The following UBE2E1 variants were observed in gnomAD, a reference collection of about 807,000 sequenced individuals.
UBE2E1 encodes ubiquitin conjugating enzyme E2 E1, also known as ubiquitin-conjugating enzyme E2 E1.
UBE2E1 carries 6 observed loss-of-function variants against 21.4 expected under a neutral mutation model. The ratio of observed to expected loss-of-function variants is 0.28; its 90% CI spans 0.15 to 0.55. UBE2E1 has a LOEUF of 0.55. UBE2E1 is among the 20% of genes least tolerant of loss of function. UBE2E1 has a pLI of 0.93. For synonymous variants in UBE2E1, 87 were observed against 82.7 expected (o/e 1.05, Z -0.28); for missense variants, 142 against 236.5 (o/e 0.60, Z 2.62).
intron 3 of UBE2E1, among the ~76,000 whole-genome samples, chr3:23,827,929 T>C (rs1699791646): frequency 6.6e-6 from 1 of 152,188 alleles, no homozygotes; most frequent in Non-Finnish European, 1.5e-5. Context: ...TCTCTGTAAC[T>C]TGCTGTTTTC....
chr3:23,818,869 G>C (rs571319276), intron 3 of UBE2E1, among the ~76,000 whole-genome samples: 1 of 152,160 alleles, frequency 6.6e-6, no homozygotes, highest in African/African-American at 2.4e-5. Flanking sequence ...AAGCCACAAG[G>C]TTGCAAAAGT....
At chr3:23,825,137 CA>C (rs1187244851) in intron 3 of UBE2E1, among the ~76,000 whole-genome samples, 1 of 152,146 alleles carries the variant, frequency 6.6e-6, no homozygotes, top group Non-Finnish European at 1.5e-5. Context: ...TTGTTTGTTC[CA>C]GTTAAATCTT....
chr3:23,889,114 TACA>T lies in UBE2E1; in HGVS notation c.340_342del (p.Thr114del). ...TGTCTGTCACTTGTTTTTTTTAGGTTACATTTCGGACAAGAATCTATCATTGTA... is the reference window on the plus strand; with the variant it reads ...TGTCTGTCACTTGTTTTTTTTAGGTTTTTCGGACAAGAATCTATCATTGTA... On this transcript the variant is annotated inframe_deletion, in exon 5 of 6. Coordinates refer to ENST00000306627, the MANE Select transcript of UBE2E1 (RefSeq NM_003341.5). 2 of 1,587,598 alleles carry T rather than the reference TACA, an allele frequency of 1.3e-6. No homozygotes were observed. The highest frequency in any genetic ancestry group is 1.8e-5 in the Admixed American group (1 of 54,208).
At chr3:23,845,752 C>T (rs1045088598) in intron 3 of UBE2E1, among the ~76,000 whole-genome samples, 6 of 151,968 alleles carry the variant, frequency 3.9e-5, no homozygotes, top group African/African-American at 1.2e-4. Context: ...CTGTTAGAAC[C>T]GTTCAACTCT....
At chr3:23,889,352 G>T (rs771341492) in intron 5 of UBE2E1, 93 bp downstream of exon 5, 41 of 1,582,302 alleles carry the variant, frequency 2.6e-5, no homozygotes, top group Non-Finnish European at 3.1e-5. Context: ...TAATTTTTCT[G>T]CACAAGTTTG....
At chr3:23,882,573 G>A (rs939319237) in intron 3 of UBE2E1, among the ~76,000 whole-genome samples, 5 of 151,974 alleles carry the variant, frequency 3.3e-5, no homozygotes, top group Middle Eastern at 3.2e-3. Context: ...CGGGAGCCGC[G>A]GAGCAGGGGG....
chr3:23,882,093 T>G (rs1173911223), intron 3 of UBE2E1, among the ~76,000 whole-genome samples: 2 of 151,854 alleles, frequency 1.3e-5, no homozygotes, highest in Non-Finnish European at 2.9e-5. Context: ...TTGCAAGGAG[T>G]GAAAGAACAA....
At position 23,806,271 on chromosome 3, in the gene UBE2E1, G is replaced by T. The variant is rs1350392396; in HGVS notation, c.-34+183G>T. Among the ~76,000 whole-genome samples, 1 of 150,356 alleles carries T rather than the reference G, an allele frequency of 6.7e-6. No individual in the cohort carries two copies. The highest frequency in any genetic ancestry group is 1.5e-5 in the Non-Finnish European group (1 of 67,334). ...AGGGGTCCGGGGCCCGCCCGCGGGG[G>T]ATGGGCAGGGACCCCGGGCCGCGTG... On this transcript the variant is annotated intron_variant, in intron 1 of 5. Coordinates refer to ENST00000306627, the MANE Select transcript of UBE2E1 (RefSeq NM_003341.5). The surrounding 1 kb of genome is among the most constrained non-coding windows in gnomAD (Gnocchi z 6.5).
chr3:23,829,144 A>G (rs1001778335), intron 3 of UBE2E1, among the ~76,000 whole-genome samples: 2 of 131,818 alleles, frequency 1.5e-5, no homozygotes, highest in African/African-American at 6.0e-5. Flanking sequence ...TATTATTATT[A>G]TTATTTTGAG....
rs557228199 is a variant in UBE2E1 at position 23,836,210 on chromosome 3, A to G, written c.203+24700A>G. ...TCTTTACAAGAGAGTTTTTATAACTAAAGTTAATAGGAATATCTAAAATGA... is the reference window on the plus strand; with the variant it reads ...TCTTTACAAGAGAGTTTTTATAACTGAAGTTAATAGGAATATCTAAAATGA... On this transcript the variant is annotated intron_variant, in intron 3 of 5. Coordinates refer to ENST00000306627, the MANE Select transcript of UBE2E1 (RefSeq NM_003341.5). The surrounding 1 kb of genome is among the most constrained non-coding windows in gnomAD (Gnocchi z 4.1). Among the ~76,000 whole-genome samples the G allele has an allele frequency of 6.6e-6, 1 of 152,252 alleles. No homozygotes were observed. Among genetic ancestry groups the G allele is most frequent in the Non-Finnish European group, 1.5e-5 (1 of 68,038 alleles).
At position 23,871,536 on chromosome 3, in the gene UBE2E1, C is replaced by T. The variant is rs532111841; in HGVS notation, c.204-16031C>T. On this transcript the variant is annotated intron_variant, in intron 3 of 5. Coordinates refer to ENST00000306627, the MANE Select transcript of UBE2E1 (RefSeq NM_003341.5). ...GGCTGACCCCCACCTCCCTCTCGGA[C>T]GGGGTGGCTGCCGGGCGGAGACGCT... 7.3e-5 allele frequency among the ~76,000 whole-genome samples: 11 copies of T among 150,016 alleles called. No homozygotes were observed. In the South Asian group the frequency reaches 1.5e-3, roughly 20 times the overall value.
At chr3:23,844,275 T>G (rs1700150523) in intron 3 of UBE2E1, among the ~76,000 whole-genome samples, 1 of 152,202 alleles carries the variant, frequency 6.6e-6, no homozygotes, top group East Asian at 1.9e-4. Flanking sequence ...TCTAATGCCT[T>G]TCACTATATT....
chr3:23,884,234 T>TAG (rs1559495316), intron 3 of UBE2E1, among the ~76,000 whole-genome samples: 2 of 152,046 alleles, frequency 1.3e-5, no homozygotes, highest in Non-Finnish European at 1.5e-5. Flanking sequence ...GCAAACAGAT[T>TAG]AGAGAGATAG....
At chr3:23,832,382 C>T (rs1054491044) in intron 3 of UBE2E1, among the ~76,000 whole-genome samples, 4 of 152,156 alleles carry the variant, frequency 2.6e-5, no homozygotes, top group Admixed American at 6.5e-5. Context: ...CAGTGGCTCA[C>T]GCCTGTAATC....
intron 3 of UBE2E1, among the ~76,000 whole-genome samples, chr3:23,821,789 A>G (rs1035527564): frequency 4.6e-5 from 7 of 152,106 alleles, no homozygotes; most frequent in African/African-American, 1.4e-4. Flanking sequence ...GGCAGGGGAG[A>G]TGAGGGCAGG....
At chr3:23,859,738 T>C (rs867166552) in intron 3 of UBE2E1, among the ~76,000 whole-genome samples, 15 of 152,244 alleles carry the variant, frequency 9.9e-5, no homozygotes, top group African/African-American at 3.6e-4. Flanking sequence ...GGCTTTGCCT[T>C]ACCCAGTTCA....
At chr3:23,878,591 C>G (rs1054758206) in intron 3 of UBE2E1, among the ~76,000 whole-genome samples, 1 of 152,222 alleles carries the variant, frequency 6.6e-6, no homozygotes, top group Non-Finnish European at 1.5e-5. Flanking sequence ...TGCATTACTG[C>G]CTGAGCTCCG....
At chr3:23,864,451 C>A (rs1050206967) in intron 3 of UBE2E1, among the ~76,000 whole-genome samples, 1 of 152,218 alleles carries the variant, frequency 6.6e-6, no homozygotes, top group East Asian at 1.9e-4. Context: ...ATTGTTGTAT[C>A]TTTTCTCTCC....
At chr3:23,829,385 C>A (rs1699821210) in intron 3 of UBE2E1, among the ~76,000 whole-genome samples, 1 of 151,548 alleles carries the variant, frequency 6.6e-6, no homozygotes, top group African/African-American at 2.4e-5. Context: ...GTCTGGAACT[C>A]CTAAGCTCAG....
Sources: allele counts gnomAD v4.1 joint callset (sites outside exome capture counted in the v4.1 genomes callset), GRCh38; gene constraint gnomAD v4.1.1; non-coding constraint Gnocchi (gnomAD v3.1); transcripts MANE v1.5; gene names NCBI Gene and HGNC (gene_info 2026-07-23, HGNC 2026-07-21).